Variants in ZNF217 observed in about 807,000 individuals in gnomAD.
ZNF217 encodes the protein zinc finger protein 217.
Under a neutral mutation model 73.3 loss-of-function variants are expected in ZNF217, and 12 were observed. The ratio of observed to expected loss-of-function variants is 0.16; its 90% CI spans 0.10 to 0.27. The LOEUF (loss-of-function observed/expected upper bound fraction) is 0.27. Among genes scored for constraint, ZNF217 ranks in the 10% least tolerant of loss-of-function variants. The pLI is 1.00. For synonymous variants in ZNF217, 588 were observed against 516.4 expected (o/e 1.14, Z -1.88); for missense variants, 1,195 against 1,327.8 (o/e 0.90, Z 1.55).
In ZNF217 at chr20:53,581,849, A is replaced by G. The variant is rs199678396; in HGVS notation, c.978T>C (p.Asp326=). The G allele has an allele frequency of 3.7e-6, 6 of 1,614,082 alleles. No homozygotes were observed. Among genetic ancestry groups the G allele is most frequent in the Non-Finnish European group, 5.1e-6 (6 of 1,180,036 alleles). Residue 326 remains aspartate, a synonymous_variant, in exon 2 of 6, where the codon GAT becomes GAC. Transcript: ENST00000371471. This position sits in a 1 kb window ranked among gnomAD's most constrained non-coding sequence, Gnocchi z 4.9. ...CTCCAAGCTCCTTCTCGGAACTCGA[A>G]TCGTCGTTGTCGGTGCTCCCTTCTT... ...SGQEGSTDND[D]SSSEKELGET... is the part of the protein sequence containing the mutation.
rs746102791 is a variant in ZNF217, at chr20:53,581,438, G to A, written c.1366+23C>T. Reference sequence around the variant, plus strand: ...CAGACAGACACAGGCGGAACAGCACGGGACGGAGACAGGGCAGCTTACCCA... The same window carrying A: ...CAGACAGACACAGGCGGAACAGCACAGGACGGAGACAGGGCAGCTTACCCA... On this transcript the variant is annotated intron_variant, in intron 2 of 5. Coordinates refer to ENST00000371471, the MANE Select transcript of ZNF217 (RefSeq NM_006526.3). The surrounding 1 kb of genome is among the most constrained non-coding windows in gnomAD (Gnocchi z 4.9). 2.8e-5 allele frequency: 45 copies of A among 1,583,898 alleles called. No individual in the cohort carries two copies. The highest frequency in any genetic ancestry group is 4.6e-5 in the South Asian group (4 of 87,278).
In ZNF217 at chr20:53,582,539, T is replaced by A. The variant is rs1226051434; in HGVS notation, c.288A>T (p.Ala96=). The A allele has an allele frequency of 2.5e-6, 4 of 1,614,114 alleles. No homozygotes were observed. The highest frequency in any genetic ancestry group is 3.4e-6 in the Non-Finnish European group (4 of 1,180,052). The change falls in exon 2 of 6, where the codon GCA becomes GCT. Residue 96 remains alanine, a synonymous_variant. Coordinates refer to ENST00000371471, the MANE Select transcript of ZNF217 (RefSeq NM_006526.3). The surrounding 1 kb of genome is among the most constrained non-coding windows in gnomAD (Gnocchi z 4.8). Reference sequence around the variant, plus strand: ...GATACTCTGCTTCAACCCGAAGAACTGCTGGTTCACAGAGGGTAGGCCGGT... The same window carrying A: ...GATACTCTGCTTCAACCCGAAGAACAGCTGGTTCACAGAGGGTAGGCCGGT... ...MQHRPTLCEP[A]VLRVEAEYLS...
Position 53,575,815 on chromosome 20 carries a change from C to T in ZNF217, c.2949G>A (p.Val983=), listed in dbSNP as rs145942740. ...CACCATAGGGCTTCTGAACAGTCAG[C>T]ACATTTGGAGAATCGACCTCGCTGG... The part of the protein sequence containing the change: ...LSSSEVDSPN[V]LTVQKPYGGS... The change falls in exon 4 of 6, where the codon GTG becomes GTA. Residue 983 remains valine, a synonymous_variant. Coordinates refer to ENST00000371471, the MANE Select transcript of ZNF217 (RefSeq NM_006526.3). 1 of 1,613,990 alleles carries T rather than the reference C, an allele frequency of 6.2e-7. No homozygotes were observed. Among genetic ancestry groups the T allele is most frequent in the Non-Finnish European group, 8.5e-7 (1 of 1,180,012 alleles).
chr20:53,593,850 G>C (rs1490278966), upstream of ZNF217: 12 of 150,342 alleles, frequency 8.0e-5, no homozygotes, highest in East Asian at 2.0e-4. Flanking sequence ...GAGGAGGAGC[G>C]GGCGCGGAGG....
chr20:53,595,059 A>AAC (rs1555811219), upstream of ZNF217, among the ~76,000 whole-genome samples: 261 of 150,060 alleles, frequency 1.7e-3, 3 homozygotes, highest in African/African-American at 6.3e-3. Flanking sequence ...AAAAAAAAAA[A>AAC]AAAAAACCGC....
chr20:53,577,258 T>C lies in ZNF217; in HGVS notation c.1506A>G (p.Glu502=), dbSNP rs2145943761. 6.2e-7 allele frequency: 1 copy of C among 1,602,078 alleles called. No homozygotes were observed. Among genetic ancestry groups the C allele is most frequent in the Non-Finnish European group, 8.5e-7 (1 of 1,179,660 alleles). The stretch of plus-strand genomic sequence containing the variant: ...TCTGGGCTGCAGCATATTCACAAAA[T>C]TCACATTTGTATGGTTTTTCACCTA... The part of the protein sequence containing the change: ...THTGEKPYKC[E]FCEYAAAQKT... The change falls in exon 4 of 6, where the codon GAA becomes GAG. Residue 502 remains glutamate, a synonymous_variant. Coordinates refer to ENST00000371471, the MANE Select transcript of ZNF217 (RefSeq NM_006526.3).
intron 3 of ZNF217, 109 bp from the exon 4 acceptor site, chr20:53,577,389 A>G: frequency 1.1e-6 from 1 of 951,364 alleles, no homozygotes; most frequent in Non-Finnish European, 1.5e-6. Context: ...TGCTTTCTCG[A>G]TCTACTATCA....
rs770457755 is a variant in ZNF217, at chr20:53,581,747, G to A, written c.1080C>T (p.Ser360=). ...TGGGTAACTTGGGATCCGCGTCCAC[G>A]GAGGGCGCTTCGCCGTGGGAGTGTT... The part of the protein sequence containing the change: ...KCKHSHGEAP[S]VDADPKLPSS... The change falls in exon 2 of 6, where the codon TCC becomes TCT. Residue 360 remains serine, a synonymous_variant. Transcript: ENST00000371471. This position sits in a 1 kb window ranked among gnomAD's most constrained non-coding sequence, Gnocchi z 4.9. The A allele has an allele frequency of 1.1e-5, 18 of 1,614,250 alleles. No homozygotes were observed. Among genetic ancestry groups the A allele is most frequent in the African/African-American group, 5.3e-5 (4 of 75,058 alleles).
rs1251329051 is a variant in ZNF217, at chr20:53,568,760, A to G, written c.*528T>C. On this transcript the variant is annotated 3_prime_UTR_variant, in exon 6 of 6. Transcript: ENST00000371471. ...AAATCATTGACAGTTTAAAAAAAAA[A>G]AAACATACATTTTAAATGAAAGAGC... 6.5e-6 allele frequency: 1 copy of G among 152,964 alleles called. No homozygotes were observed. The highest frequency in any genetic ancestry group is 1.5e-5 in the Non-Finnish European group (1 of 68,584). 9.5% of individuals were successfully genotyped at this position (152,964 alleles called of 1,614,324 possible). A position where few individuals can be genotyped will look rare whatever the true frequency, so the allele number is the denominator to read the frequency against.
At position 53,583,869 on chromosome 20, in the gene ZNF217, C is replaced by T. The variant is rs1304165503; in HGVS notation, c.-342-701G>A. ...TGTTCAAATCCCAGCTTGCTTTCAA[C>T]GACTTTCTGCCTTCAACAAGCACTG... On this transcript the variant is annotated intron_variant, in intron 1 of 5. Coordinates refer to ENST00000371471, the MANE Select transcript of ZNF217 (RefSeq NM_006526.3). 6.6e-5 allele frequency among the ~76,000 whole-genome samples: 10 copies of T among 152,376 alleles called. No homozygotes were observed. In the East Asian group the frequency reaches 9.6e-4, roughly 15 times the overall value.
rs564619734 is a variant in ZNF217 at position 53,569,663 on chromosome 20, C to T, written c.*24-399G>A. On this transcript the variant is annotated intron_variant, in intron 5 of 5. Coordinates refer to ENST00000371471, the MANE Select transcript of ZNF217 (RefSeq NM_006526.3). Reference sequence around the variant, plus strand: ...CCTCCCAAAGTGCTGCGATTACAGGCATGAGCCACTGCGCCTGGCCCTGGG... The same window carrying T: ...CCTCCCAAAGTGCTGCGATTACAGGTATGAGCCACTGCGCCTGGCCCTGGG... Among the ~76,000 whole-genome samples the T allele has an allele frequency of 9.2e-5, 14 of 152,312 alleles. No individual in the cohort carries two copies. The South Asian group carries it at 2.1e-3, about 23-fold the overall frequency.
upstream of ZNF217, among the ~76,000 whole-genome samples, chr20:53,596,500 G>A (rs1989044474): frequency 6.6e-6 from 1 of 152,172 alleles, no homozygotes; most frequent in Admixed American, 6.5e-5. Context: ...ATTCGCCTGG[G>A]AGGGCTTTTC....
intron 5 of ZNF217, among the ~76,000 whole-genome samples, chr20:53,569,991 G>A (rs184818377): frequency 2.6e-4 from 39 of 152,134 alleles, no homozygotes; most frequent in Admixed American, 3.9e-4. Context: ...AGAAAGAAGA[G>A]GCTGGAAAGC....
Position 53,575,784 on chromosome 20 carries a change from CGGA to C in ZNF217, c.2977_2979del (p.Ser993del), listed in dbSNP as rs759141755. ...GCAGGCACACAAGTGTAAAGTGGCC[CGGA>C]GCCACCATAGGGCTTCTGAACAGTC... is the stretch of plus-strand genomic sequence containing the variant. On this transcript the variant is annotated inframe_deletion, in exon 4 of 6. Transcript: ENST00000371471. 1.2e-6 allele frequency: 2 copies of C among 1,611,330 alleles called. No homozygotes were observed. Among genetic ancestry groups the C allele is most frequent in the East Asian group, 4.5e-5 (2 of 44,866 alleles).
At position 53,581,381 on chromosome 20, in the gene ZNF217, G is replaced by A; in HGVS notation, c.1366+80C>T. The A allele has an allele frequency of 6.6e-7, 1 of 1,509,278 alleles. No individual in the cohort carries two copies. The highest frequency in any genetic ancestry group is 2.0e-4 in the Middle Eastern group (1 of 5,102). 93.5% of individuals were successfully genotyped at this position (1,509,278 alleles called of 1,614,324 possible). A position where few individuals can be genotyped will look rare whatever the true frequency, so the allele number is the denominator to read the frequency against. ...CCCCATTCCTGGCCAGCGTTGTCTG[G>A]AGATGGGAATAGAGAGGGGGAGACG... On this transcript the variant is annotated intron_variant, in intron 2 of 5. Transcript: ENST00000371471. This position sits in a 1 kb window ranked among gnomAD's most constrained non-coding sequence, Gnocchi z 4.9.
intron 3 of ZNF217, among the ~76,000 whole-genome samples, chr20:53,577,881 G>A (rs776629380): frequency 1.3e-5 from 2 of 152,204 alleles, no homozygotes; most frequent in Non-Finnish European, 2.9e-5. Flanking sequence ...GGAGGCCAAG[G>A]TGAGCGGATC....
chr20:53,593,246 T>G (rs986993571), intron 1 of ZNF217, among the ~76,000 whole-genome samples: 1 of 151,988 alleles, frequency 6.6e-6, no homozygotes, highest in African/African-American at 2.4e-5. Context: ...TCCCGGCCAT[T>G]GTTTACGGGG....
At chr20:53,587,832 G>A (rs1988750327) in intron 1 of ZNF217, among the ~76,000 whole-genome samples, 1 of 148,046 alleles carries the variant, frequency 6.8e-6, no homozygotes, top group Non-Finnish European at 1.5e-5. Context: ...CTGACAAGTG[G>A]AGAAAACTCT....
chr20:53,576,802 A>T lies in ZNF217; in HGVS notation c.1962T>A (p.Ser654Arg), dbSNP rs747768875. 3 of 1,614,222 alleles carry T rather than the reference A, an allele frequency of 1.9e-6. No individual in the cohort carries two copies. The Admixed American group carries it at 5.0e-5, about 27-fold the overall frequency. Residue 654 changes from serine to arginine, a missense_variant, in exon 4 of 6, where the codon AGT (serine) becomes AGA (arginine). This residue lies in a region of ZNF217 where 649 missense variants were observed against 642.8 expected (regional missense o/e 1.01). Transcript: ENST00000371471. ...KADVTPPPDGSTTHNLEVSPK... is the reference protein window; with the variant it reads ...KADVTPPPDGRTTHNLEVSPK... ...GGCTAACTTCAAGGTTATGGGTGGT[A>T]CTGCCATCCGGAGGAGGAGTAACAT... is the stretch of plus-strand genomic sequence containing the variant.
Sources: gnomAD v4.1 joint callset for allele counts (sites outside exome capture counted in the v4.1 genomes callset) on GRCh38, gnomAD v4.1.1 for gene constraint, gnomAD v4.1.1 regional missense constraint, Gnocchi (gnomAD v3.1) non-coding constraint, MANE v1.5 for transcripts, NCBI Gene and HGNC (gene_info 2026-07-23, HGNC 2026-07-21) for gene names.